LARP4B: variants seen among roughly 807,000 people sequenced by gnomAD.
LARP4B encodes la-related protein 4B.
A neutral mutation model predicts 89.8 loss-of-function variants in LARP4B; 12 were observed. The ratio of observed to expected loss-of-function variants is 0.13; its 90% CI spans 0.09 to 0.22. LARP4B has a LOEUF of 0.22. LARP4B is among the 10% of genes least tolerant of loss of function. The probability of loss-of-function intolerance (pLI) is 1.00; values close to 1 mark genes in which losing one functional copy is unlikely to be tolerated. For missense variants in LARP4B, 757 were observed against 947.7 expected (o/e 0.80, Z 2.64); for synonymous variants, 367 against 363.3 (o/e 1.01, Z -0.12).
the LARP4B span, among the ~76,000 whole-genome samples, chr10:943,291 T>C: frequency 6.6e-6 from 1 of 152,100 alleles, no homozygotes; most frequent in African/African-American, 2.4e-5. Context: ...TTGCCTGCTG[T>C]GTGTTATTCT....
intron 1 of LARP4B, among the ~76,000 whole-genome samples, chr10:907,812 C>T (rs1836534722): frequency 6.6e-6 from 1 of 152,218 alleles, no homozygotes; most frequent in African/African-American, 2.4e-5. Context: ...ACTGTTGGGA[C>T]TTTCAGCCCA....
At chr10:894,982 T>G (rs1588970862) in intron 1 of LARP4B, among the ~76,000 whole-genome samples, 1 of 152,118 alleles carries the variant, frequency 6.6e-6, no homozygotes, top group South Asian at 2.1e-4. Flanking sequence ...CTCAGGAGTT[T>G]GCGACCAGCC....
At chr10:884,397 A>G (rs1466753282) in intron 3 of LARP4B, 50 bp downstream of exon 3, 14 of 1,193,788 alleles carry the variant, frequency 1.2e-5, no homozygotes, top group Non-Finnish European at 1.8e-5. Context: ...AGTATCTCTG[A>G]GCCTTGACTG....
the LARP4B span, among the ~76,000 whole-genome samples, chr10:969,424 A>T: frequency 6.6e-6 from 1 of 152,070 alleles, no homozygotes; most frequent in Non-Finnish European, 1.5e-5. Context: ...TAGAGGAGTG[A>T]TGTGTTTAAG....
intron 5 of LARP4B, among the ~76,000 whole-genome samples, chr10:845,756 A>G (rs1204309955): frequency 1.3e-5 from 2 of 152,234 alleles, no homozygotes; most frequent in Admixed American, 6.5e-5. Context: ...GACTCCGGAC[A>G]CTGCATAAAG....
upstream of LARP4B, among the ~76,000 whole-genome samples, chr10:931,896 C>G (rs1830631883): frequency 6.6e-6 from 1 of 151,004 alleles, no homozygotes; most frequent in Non-Finnish European, 1.5e-5. Flanking sequence ...GGCCTCTCCG[C>G]GCGTACACCC....
intron 3 of LARP4B, among the ~76,000 whole-genome samples, chr10:881,949 A>C (rs1345530875): frequency 6.6e-6 from 1 of 152,208 alleles, no homozygotes; most frequent in East Asian, 1.9e-4. Flanking sequence ...ATGGATACTC[A>C]AATTTTATGC....
chr10:895,707 A>G (rs2131970183), intron 1 of LARP4B, among the ~76,000 whole-genome samples: 1 of 152,060 alleles, frequency 6.6e-6, no homozygotes, highest in Non-Finnish European at 1.5e-5. Context: ...AGTAGAAACG[A>G]ATGCAGTATG....
chr10:956,381 T>C, the LARP4B span, among the ~76,000 whole-genome samples: 1 of 151,982 alleles, frequency 6.6e-6, no homozygotes, highest in Admixed American at 6.6e-5. The surrounding 1 kb of genome is among the most constrained non-coding windows in gnomAD (Gnocchi z 4.3). Flanking sequence ...AGTCTCACTG[T>C]GTCCCCCAGG....
chr10:844,880 T>C (rs752756675), intron 6 of LARP4B, 97 bp downstream of exon 6: 4 of 826,016 alleles, frequency 4.8e-6, no homozygotes, highest in Non-Finnish European at 7.7e-6. Context: ...TGGATATGAG[T>C]AGATACTCCT....
intron 1 of LARP4B, among the ~76,000 whole-genome samples, chr10:903,842 G>A (rs1024471282): frequency 2.0e-5 from 3 of 152,132 alleles, no homozygotes; most frequent in African/African-American, 7.2e-5. Context: ...TCATTTTTTA[G>A]AATGGCAAAA....
chr10:839,367 G>A (rs890070081), intron 7 of LARP4B, among the ~76,000 whole-genome samples: 3 of 152,224 alleles, frequency 2.0e-5, no homozygotes, highest in Middle Eastern at 3.4e-3. Context: ...GGGATATAAT[G>A]GGAGATCTCT....
chr10:947,402 T>G, the LARP4B span, among the ~76,000 whole-genome samples: 8 of 152,046 alleles, frequency 5.3e-5, no homozygotes, highest in East Asian at 1.5e-3. Flanking sequence ...ACCCACATAT[T>G]CTGAGGCCAT....
the LARP4B span, among the ~76,000 whole-genome samples, chr10:975,325 T>C: frequency 6.6e-6 from 1 of 152,192 alleles, no homozygotes; most frequent in East Asian, 1.9e-4. Flanking sequence ...AGTGACATGT[T>C]GTTTTATTTA....
intron 1 of LARP4B, among the ~76,000 whole-genome samples, chr10:909,219 G>C (rs1472963530): frequency 6.6e-6 from 1 of 151,148 alleles, no homozygotes; most frequent in East Asian, 2.0e-4. Context: ...GCGTGAACCC[G>C]GGAGGTGGAG....
At chr10:858,115 C>T (rs1360759342) in intron 5 of LARP4B, among the ~76,000 whole-genome samples, 3 of 152,160 alleles carry the variant, frequency 2.0e-5, no homozygotes, top group Admixed American at 2.0e-4. Flanking sequence ...TTGGATCCCC[C>T]TGTTGGTTAA....
intron 1 of LARP4B, among the ~76,000 whole-genome samples, chr10:931,126 C>T (rs534403452): frequency 7.3e-5 from 11 of 150,558 alleles, no homozygotes; most frequent in Non-Finnish European, 1.3e-4. Flanking sequence ...CCTTCCCCTG[C>T]CCCGGCCTCG....
Position 844,106 on chromosome 10 carries a change from C to T in LARP4B, c.509+871G>A, listed in dbSNP as rs749588808. Among the ~76,000 whole-genome samples the T allele has an allele frequency of 5.3e-5, 8 of 152,212 alleles. No homozygotes were observed. The South Asian group carries it at 6.2e-4, about 12-fold the overall frequency. ...TCCCTCGGTGAAGGCCCATGACTGC[C>T]GATCAAACGGAGGCCATGCAGGAGG... is the stretch of plus-strand genomic sequence containing the variant. On this transcript the variant is annotated intron_variant, in intron 6 of 17. Coordinates refer to ENST00000316157, the MANE Select transcript of LARP4B (RefSeq NM_015155.3).
intron 7 of LARP4B, among the ~76,000 whole-genome samples, chr10:838,634 G>A (rs1833356992): frequency 1.3e-5 from 2 of 152,316 alleles, no homozygotes; most frequent in South Asian, 4.1e-4. Context: ...AGGATGTGGA[G>A]CAAGAGGAAC....
Sources: allele counts gnomAD v4.1 joint callset (sites outside exome capture counted in the v4.1 genomes callset), GRCh38; gene constraint gnomAD v4.1.1; non-coding constraint Gnocchi (gnomAD v3.1); transcripts MANE v1.5; gene names NCBI Gene and HGNC (gene_info 2026-07-23, HGNC 2026-07-21).